OPN3: variants seen among roughly 807,000 people sequenced by gnomAD.
The protein encoded by OPN3 is opsin 3, also known as opsin-3.
Under a neutral mutation model 33.8 loss-of-function variants are expected in OPN3, and 29 were observed. The ratio of observed to expected loss-of-function variants is 0.86; its 90% CI spans 0.64 to 1.17. The LOEUF is 1.17. Among genes scored for constraint, OPN3 ranks in the 50% most tolerant of loss-of-function variants. OPN3 has a pLI of 0.00. For synonymous variants in OPN3, 216 were observed against 216.1 expected, an observed-to-expected ratio of 1.00 and a Z score of 0.00; for missense variants, 437 against 514.1, an observed-to-expected ratio of 0.85 and a Z score of 1.45.
intron 1 of OPN3, chr1:241,634,419 G>T: frequency 6.2e-7 from 1 of 1,613,714 alleles, no homozygotes; most frequent in South Asian, 1.1e-5. Flanking sequence ...TGCTTATACT[G>T]CACATTTGAG....
At chr1:241,607,784 G>A (rs1663880540) in intron 1 of OPN3, among the ~76,000 whole-genome samples, 1 of 151,098 alleles carries the variant, frequency 6.6e-6, no homozygotes, top group Admixed American at 6.6e-5. Context: ...AAGGAAGAAA[G>A]GAAGGAAGGG....
At chr1:241,633,944 G>A in intron 1 of OPN3, 4 of 1,613,900 alleles carry the variant, frequency 2.5e-6, no homozygotes, top group Non-Finnish European at 3.4e-6. Context: ...TGGAGGTGGA[G>A]GGCAGAATTC....
intron 1 of OPN3, chr1:241,628,861 C>T (rs1263856446): frequency 3.3e-5 from 5 of 152,374 alleles, no homozygotes; most frequent in Non-Finnish European, 7.4e-5. Flanking sequence ...TTCAGTAAAC[C>T]ACTTTACCAA....
At chr1:241,639,807 G>C in intron 1 of OPN3, 75 bp downstream of exon 1, 1 of 1,337,402 alleles carries the variant, frequency 7.5e-7, no homozygotes, top group Non-Finnish European at 9.7e-7. Context: ...CTGGGGGGCG[G>C]ACGCACGGAG....
At chr1:241,606,546 AAAATAAATAAAT>A (rs10677298) in intron 1 of OPN3, among the ~76,000 whole-genome samples, 205 of 142,068 alleles carry the variant, frequency 1.4e-3, no homozygotes, top group East Asian at 5.6e-3. Context: ...ACTCTGATTC[AAAATAAATAAAT>A]AAATAAATAA....
In OPN3 at chr1:241,594,676, A is replaced by C; in HGVS notation, c.961T>G (p.Leu321Val). ...FMIRKFRRSL[L>V]QLLCLRLLRC... ...AGCAGTCGGAGGCACAGAAGCTGCA[A>C]AAGGGATCTTCGAAACTGGGCAGAG... The change falls in exon 4 of 4, where the codon TTG becomes GTG. Residue 321 changes from leucine to valine, a missense_variant. Leu to Val is a conservative substitution (Grantham distance 32). Coordinates refer to ENST00000366554, the MANE Select transcript of OPN3 (RefSeq NM_014322.3). 1 of 1,613,658 alleles carries C rather than the reference A, an allele frequency of 6.2e-7. No homozygotes were observed. The highest frequency in any genetic ancestry group is 8.5e-7 in the Non-Finnish European group (1 of 1,179,850).
At chr1:241,639,829 G>A (rs1187649792) in intron 1 of OPN3, 53 bp downstream of exon 1, 16 of 1,413,734 alleles carry the variant, frequency 1.1e-5, no homozygotes, top group African/African-American at 1.5e-5. Flanking sequence ...GGGCAGCGGG[G>A]TGGGGAGTGG....
At chr1:241,633,069 C>T (rs1664709279) in intron 1 of OPN3, 1 of 152,026 alleles carries the variant, frequency 6.6e-6, no homozygotes, top group African/African-American at 2.4e-5. Context: ...TTCAAATTTC[C>T]TTTGCAATCA....
At chr1:241,621,572 CTACCTGGTACTGGGGTA>C (rs1168755686) in intron 1 of OPN3, among the ~76,000 whole-genome samples, 4 of 152,076 alleles carry the variant, frequency 2.6e-5, no homozygotes, top group Non-Finnish European at 4.4e-5. Flanking sequence ...ACCTATTCTA[CTACCTGGTACTGGGGTA>C]TACCTGGTGT....
intron 1 of OPN3, among the ~76,000 whole-genome samples, chr1:241,616,518 T>C (rs1055930873): frequency 6.6e-6 from 1 of 152,244 alleles, no homozygotes; most frequent in Non-Finnish European, 1.5e-5. Flanking sequence ...TGTGTACTTA[T>C]GTCTTACCTC....
chr1:241,623,948 G>A (rs1377789638), intron 1 of OPN3, among the ~76,000 whole-genome samples: 1 of 152,206 alleles, frequency 6.6e-6, no homozygotes, highest in East Asian at 1.9e-4. Flanking sequence ...AGCTATTCAA[G>A]GTTACAGACA....
intron 1 of OPN3, among the ~76,000 whole-genome samples, chr1:241,620,774 AT>A (rs1216141478): frequency 6.6e-6 from 1 of 152,198 alleles, no homozygotes. Context: ...TATAATTAAT[AT>A]TTTACACTTA....
chr1:241,619,358 C>T (rs879545428), intron 1 of OPN3, among the ~76,000 whole-genome samples: 2 of 152,140 alleles, frequency 1.3e-5, no homozygotes, highest in African/African-American at 4.8e-5. Context: ...TACCGATGTC[C>T]GGGTGCCAGG....
intron 1 of OPN3, among the ~76,000 whole-genome samples, chr1:241,619,872 T>C (rs1226361411): frequency 6.6e-6 from 1 of 152,244 alleles, no homozygotes; most frequent in Non-Finnish European, 1.5e-5. Flanking sequence ...AAATCTTCTT[T>C]AAATGTTTGA....
At chr1:241,632,611 A>G (rs1664688260) in intron 1 of OPN3, 2 of 152,104 alleles carry the variant, frequency 1.3e-5, no homozygotes, top group Admixed American at 6.6e-5. Context: ...GGAGAAAAAA[A>G]GTTTCTATAC....
chr1:241,615,879 A>G (rs916905679), intron 1 of OPN3: 7 of 456,562 alleles, frequency 1.5e-5, no homozygotes, highest in Non-Finnish European at 3.1e-5. Flanking sequence ...GCCTTGCTGC[A>G]CTGGACCCAT....
At chr1:241,637,915 C>T (rs1664961814) in intron 1 of OPN3, among the ~76,000 whole-genome samples, 1 of 152,162 alleles carries the variant, frequency 6.6e-6, no homozygotes, top group African/African-American at 2.4e-5. Context: ...AACTTCCTCC[C>T]CTTCAATACT....
chr1:241,639,177 G>C (rs1451387395), intron 1 of OPN3: 1 of 152,170 alleles, frequency 6.6e-6, no homozygotes, highest in Non-Finnish European at 1.5e-5. Context: ...TACAGTATTT[G>C]TTCACCTGAG....
At chr1:241,615,197 C>T (rs1210760946) in intron 1 of OPN3, among the ~76,000 whole-genome samples, 3 of 125,638 alleles carry the variant, frequency 2.4e-5, no homozygotes, top group African/African-American at 8.8e-5. Flanking sequence ...CACAGTGGGG[C>T]CAAAGTCTAA....
Sources: gnomAD v4.1 joint callset for allele counts (sites outside exome capture counted in the v4.1 genomes callset) on GRCh38, gnomAD v4.1.1 for gene constraint, MANE v1.5 for transcripts, NCBI Gene and HGNC (gene_info 2026-07-23, HGNC 2026-07-21) for gene names.